Variants in ZFHX3 observed in about 807,000 individuals in gnomAD.
ZFHX3 encodes the protein zinc finger homeobox 3, also known as zinc finger homeobox protein 3.
In ZFHX3, 42 loss-of-function variants were observed where a neutral mutation model predicts 279.1. The observed-to-expected ratio is 0.15, with a 90% CI of 0.12 to 0.19. The LOEUF (loss-of-function observed/expected upper bound fraction) is 0.19. ZFHX3 is among the 10% of genes least tolerant of loss of function. The pLI is 1.00. For synonymous variants in ZFHX3, 2,293 were observed against 1,957.8 expected, an observed-to-expected ratio of 1.17 and a Z score of -4.52; for missense variants, 4,981 against 4,754.0, an observed-to-expected ratio of 1.05 and a Z score of -1.40.
chr16:72,816,826 T>C (rs567547055), intron 5 of ZFHX3, among the ~76,000 whole-genome samples: 2 of 152,316 alleles, frequency 1.3e-5, no homozygotes, highest in South Asian at 2.1e-4. Flanking sequence ...GGAAGCACAG[T>C]TGTCAATACA....
At chr16:73,575,585 G>A (rs551119108) in intron 2 of ZFHX3, among the ~76,000 whole-genome samples, 2 of 152,278 alleles carry the variant, frequency 1.3e-5, no homozygotes, top group South Asian at 4.1e-4. Context: ...AACATATTAA[G>A]ACTTGTCTTA....
In ZFHX3 at chr16:72,793,399, C is replaced by G. The variant is rs1307821150; in HGVS notation, c.9283G>C (p.Ala3095Pro). 1 of 1,614,220 alleles carries G rather than the reference C, an allele frequency of 6.2e-7. No homozygotes were observed. Among genetic ancestry groups the G allele is most frequent in the South Asian group, 1.1e-5 (1 of 91,088 alleles). Residue 3095 changes from alanine to proline, a missense_variant, in exon 9 of 10, where the codon GCT becomes CCT. This residue lies in a region of ZFHX3 where 168 missense variants were observed against 249.1 expected (regional missense o/e 0.67). Transcript: ENST00000268489. This position sits in a 1 kb window ranked among gnomAD's most constrained non-coding sequence, Gnocchi z 4.3. ...TTGTCAAACATCCCTTGCTGCTGAG[C>G]TGCCAGTCCAAGGACCTCGTTGGCC... The part of the protein sequence containing the change: ...KKANEVLGLA[A>P]QQQGMFDNTP...
chr16:73,331,894 A>G (rs965088260), intron 3 of ZFHX3, among the ~76,000 whole-genome samples: 1 of 152,214 alleles, frequency 6.6e-6, no homozygotes, highest in African/African-American at 2.4e-5. Context: ...TTGTTCTAAA[A>G]GAGGACAGCT....
intron 2 of ZFHX3, among the ~76,000 whole-genome samples, chr16:73,565,886 T>C (rs907969316): frequency 6.6e-6 from 1 of 152,214 alleles, no homozygotes; most frequent in Admixed American, 6.5e-5. Context: ...TGACTCTCTC[T>C]GTGTTCTCAA....
chr16:72,842,214 TTTTTTTC>T (rs1567543160), intron 4 of ZFHX3, among the ~76,000 whole-genome samples: 2 of 152,130 alleles, frequency 1.3e-5, no homozygotes, highest in Admixed American at 1.3e-4. Flanking sequence ...TTTTTTGTTT[TTTTTTTC>T]TTTTTTCTTT....
chr16:73,442,976 C>T (rs970193776), intron 3 of ZFHX3, among the ~76,000 whole-genome samples: 12 of 152,144 alleles, frequency 7.9e-5, no homozygotes, highest in African/African-American at 2.9e-4. Context: ...GTCCAATTTC[C>T]TCTTCTTCTA....
chr16:73,004,681 A>G (rs568501992), intron 1 of ZFHX3, among the ~76,000 whole-genome samples: 3 of 152,282 alleles, frequency 2.0e-5, no homozygotes, highest in Admixed American at 2.0e-4. Context: ...CATGTGCTCT[A>G]AACACCTTTT....
rs376018253 is a variant in ZFHX3, at chr16:73,097,231, AT to A, written c.-896-3634del. On this transcript the variant is annotated intron_variant, in intron 7 of 17. Transcript: ENST00000641206. ...TCCTCACCACACCCAGCTAATTTTA[AT>A]TTTTTTTTTTTTTTTTTGTAGAGAC... 3.4e-3 allele frequency among the ~76,000 whole-genome samples: 427 copies of A among 126,676 alleles called. 2 individuals are homozygous for A. Among genetic ancestry groups the A allele is most frequent in the African/African-American group, 0.01 (321 of 31,762 alleles). The allele number at this position is 126,676 out of a possible 152,430, so 83.1% of individuals were successfully genotyped here.
At chr16:72,865,520 C>G (rs1407502674) in intron 4 of ZFHX3, among the ~76,000 whole-genome samples, 2 of 152,214 alleles carry the variant, frequency 1.3e-5, no homozygotes, top group African/African-American at 4.8e-5. Flanking sequence ...GAACTTGGAT[C>G]TTGTCCCCAC....
chr16:73,870,377 T>C (rs1029375545), intron 1 of ZFHX3, among the ~76,000 whole-genome samples: 2 of 152,102 alleles, frequency 1.3e-5, no homozygotes, highest in Non-Finnish European at 2.9e-5. Flanking sequence ...CCGCCCCACA[T>C]GTGTGCCATG....
At chr16:73,474,691 C>T (rs907677269) in intron 2 of ZFHX3, among the ~76,000 whole-genome samples, 2 of 152,196 alleles carry the variant, frequency 1.3e-5, no homozygotes, top group African/African-American at 4.8e-5. Context: ...CAGCTGGCAG[C>T]TTCCTTGCCC....
chr16:73,573,187 C>T (rs756157304), intron 2 of ZFHX3, among the ~76,000 whole-genome samples: 14 of 152,262 alleles, frequency 9.2e-5, no homozygotes, highest in Middle Eastern at 3.4e-3. Context: ...TTTAACCTGC[C>T]GCAGGCGCCC....
chr16:73,429,100 G>C (rs1222671710), intron 3 of ZFHX3, among the ~76,000 whole-genome samples: 1 of 152,092 alleles, frequency 6.6e-6, no homozygotes, highest in Admixed American at 6.6e-5. Context: ...CCTGGGGCAG[G>C]GCCCTCCTTC....
At chr16:73,785,487 G>C (rs902844524) in intron 1 of ZFHX3, among the ~76,000 whole-genome samples, 1 of 152,058 alleles carries the variant, frequency 6.6e-6, no homozygotes, top group African/African-American at 2.4e-5. Flanking sequence ...AAAGGCTTCT[G>C]CCCTGCAGTC....
At chr16:73,726,726 T>A (rs1247366466) in intron 1 of ZFHX3, among the ~76,000 whole-genome samples, 1 of 152,086 alleles carries the variant, frequency 6.6e-6, no homozygotes, top group Non-Finnish European at 1.5e-5. Flanking sequence ...GGCGCCATAC[T>A]TTCAAACAAC....
chr16:73,493,099 T>C (rs971870298), intron 2 of ZFHX3, among the ~76,000 whole-genome samples: 2 of 152,164 alleles, frequency 1.3e-5, no homozygotes, highest in Non-Finnish European at 2.9e-5. Flanking sequence ...AGTCTGCCCG[T>C]ATCCACCTCT....
rs558574997 is a variant in ZFHX3 at position 73,676,615 on chromosome 16, A to G, written c.-1547+3565T>C. 2.9e-4 allele frequency among the ~76,000 whole-genome samples: 44 copies of G among 152,148 alleles called. 2 individuals are homozygous for G. In the South Asian group the frequency reaches 5.2e-3, roughly 18 times the overall value. ...AAATATAAAGAAAGCAATAAGGCTA[A>G]TATTTTATTTATAACAATGTACGTA... is the stretch of plus-strand genomic sequence containing the variant. On this transcript the variant is annotated intron_variant, in intron 2 of 17. Coordinates refer to the ZFHX3 transcript ENST00000641206.
At chr16:73,401,343 T>A (rs66517548) in intron 3 of ZFHX3, 27,970 of 119,590 alleles carry the variant, frequency 0.23, 3,150 homozygotes, top group South Asian at 0.38. Context: ...AACCCACAGG[T>A]ACATTTAAAA....
chr16:73,137,973 G>T (rs1966821026), intron 6 of ZFHX3, among the ~76,000 whole-genome samples: 1 of 152,116 alleles, frequency 6.6e-6, no homozygotes, highest in Non-Finnish European at 1.5e-5. Context: ...AATGAAAATT[G>T]CTTGTCATCG....
Sources: allele counts gnomAD v4.1 joint callset (sites outside exome capture counted in the v4.1 genomes callset), GRCh38; gene constraint gnomAD v4.1.1; regional missense constraint gnomAD v4.1.1; non-coding constraint Gnocchi (gnomAD v3.1); transcripts MANE v1.5; gene names NCBI Gene and HGNC (gene_info 2026-07-23, HGNC 2026-07-21).